The following FAAP20 variants were observed in gnomAD, a reference collection of about 807,000 sequenced individuals.
FAAP20 encodes Fanconi anemia core complex-associated protein 20.
FAAP20 carries 12 observed loss-of-function variants against 16.2 expected under a neutral mutation model. The observed-to-expected ratio is 0.74, with a 90% CI of 0.48 to 1.20. FAAP20 has a LOEUF of 1.20. FAAP20 is among the 50% of genes most tolerant of loss of function. FAAP20 has a pLI of 0.00. For missense variants in FAAP20, 288 were observed against 245.8 expected, an observed-to-expected ratio of 1.17 and a Z score of -1.15; for synonymous variants, 141 against 110.7, an observed-to-expected ratio of 1.27 and a Z score of -1.72.
At chr1:2,211,399 TTATATATATATATATATA>T (rs1158545722), downstream of FAAP20, among the ~76,000 whole-genome samples, 5 of 21,002 alleles carry the variant, frequency 2.4e-4, no homozygotes. Context: ...CTGGCTAATT[TTATATATATATATATATA>T]TATATATATA....
chr1:2,199,342 T>A, upstream of FAAP20: 1 of 1,037,574 alleles, frequency 9.6e-7, no homozygotes, highest in Non-Finnish European at 1.2e-6. This position sits in a 1 kb window ranked among gnomAD's most constrained non-coding sequence, Gnocchi z 4.5. Flanking sequence ...GGGGCGGGCT[T>A]TTATCAGCCC....
At chr1:2,201,041 C>T (rs1689029181), upstream of FAAP20, 6 of 1,288,440 alleles carry the variant, frequency 4.7e-6, no homozygotes, top group African/African-American at 3.0e-5. Flanking sequence ...CTTCCAGGAC[C>T]CAGCTCACCT....
At position 2,193,929 on chromosome 1, in the gene FAAP20, G is replaced by C. The variant is rs752895948; in HGVS notation, c.199-19C>G. The C allele has an allele frequency of 8.1e-6, 13 of 1,612,174 alleles. No individual in the cohort carries two copies. In the Admixed American group the frequency reaches 2.2e-4, roughly 27 times the overall value. Reference sequence around the variant, plus strand: ...TGGGCTCCTGCAACACAGAGTTGTTGGGCCTTGCCCAGCGATGGCTCCCGC... The same window carrying C: ...TGGGCTCCTGCAACACAGAGTTGTTCGGCCTTGCCCAGCGATGGCTCCCGC... On this transcript the variant is annotated intron_variant, in intron 2 of 3. Coordinates refer to ENST00000378546, the MANE Select transcript of FAAP20 (RefSeq NM_182533.4).
chr1:2,210,174 G>A (rs953746897), downstream of FAAP20, among the ~76,000 whole-genome samples: 4 of 152,180 alleles, frequency 2.6e-5, no homozygotes, highest in African/African-American at 9.7e-5. Flanking sequence ...CCAGACCTGC[G>A]AGTGTGCCTG....
upstream of FAAP20, among the ~76,000 whole-genome samples, chr1:2,204,465 GA>G (rs1406296619): frequency 6.6e-6 from 1 of 152,246 alleles, no homozygotes; most frequent in Non-Finnish European, 1.5e-5. Context: ...GGATTGGGAG[GA>G]CCAGGAAAAA....
Position 2,193,847 on chromosome 1 carries a change from T to C in FAAP20, c.262A>G (p.Thr88Ala), listed in dbSNP as rs1173162098. 1.9e-6 allele frequency: 3 copies of C among 1,611,974 alleles called. No individual in the cohort carries two copies. The highest frequency in any genetic ancestry group is 2.7e-5 in the African/African-American group (2 of 74,838). The change falls in exon 3 of 4, where the codon ACA (threonine) becomes GCA (alanine). Residue 88 changes from threonine (T) to alanine (A), a missense_variant. Transcript: ENST00000378546. ...CCCCACAGGTCCGGCGGAAAGGGTG[T>C]CCAGGAAAAGGTCTTGGGTCCGACA... ...FTVGPKTFSWTPFPPDLWGPG... is the reference protein window; with the variant it reads ...FTVGPKTFSWAPFPPDLWGPG...
chr1:2,203,165 G>C (rs1237743082), upstream of FAAP20, among the ~76,000 whole-genome samples: 2 of 152,182 alleles, frequency 1.3e-5, no homozygotes, highest in Admixed American at 1.3e-4. Context: ...GAAGCTATCT[G>C]GCCGCTGGAA....
chr1:2,185,650 C>T (rs1687477877), downstream of FAAP20: 1 of 636,126 alleles, frequency 1.6e-6, no homozygotes, highest in East Asian at 2.7e-5. Flanking sequence ...CTGGGCCAGC[C>T]AGCTCACTGG....
upstream of FAAP20, among the ~76,000 whole-genome samples, chr1:2,204,098 T>G (rs1458649676): frequency 6.6e-6 from 1 of 152,214 alleles, no homozygotes; most frequent in Admixed American, 6.5e-5. Flanking sequence ...CGGGTCCCCA[T>G]GCGCTTCTCA....
At chr1:2,190,019 G>C in intron 3 of FAAP20, 1 of 609,062 alleles carries the variant, frequency 1.6e-6, no homozygotes, top group South Asian at 1.8e-5. Flanking sequence ...CCGAGCTGGG[G>C]GTGGGGAAGC....
At chr1:2,201,132 A>G (rs905235331), upstream of FAAP20, 5 of 1,282,668 alleles carry the variant, frequency 3.9e-6, no homozygotes, top group African/African-American at 3.0e-5. Context: ...TGTGGGCTCC[A>G]ACCCTGCTTG....
At chr1:2,200,726 C>T (rs1239552334), upstream of FAAP20, 7 of 989,640 alleles carry the variant, frequency 7.1e-6, no homozygotes, top group African/African-American at 8.7e-5. Flanking sequence ...AACGCTGAGC[C>T]CAGCTGGGTG....
At chr1:2,205,601 A>G (rs1224259643) in intron 3 of FAAP20, among the ~76,000 whole-genome samples, 1 of 152,008 alleles carries the variant, frequency 6.6e-6, no homozygotes, top group Non-Finnish European at 1.5e-5. Context: ...GGGCGGGTGA[A>G]ACGAGTTTCC....
At chr1:2,184,797 C>A, downstream of FAAP20, 1 of 1,392,376 alleles carries the variant, frequency 7.2e-7, no homozygotes, top group Non-Finnish European at 9.9e-7. Flanking sequence ...CCCTTGAGTC[C>A]CACCCGCCTG....
chr1:2,189,671 C>G lies in FAAP20; in HGVS notation c.*38G>C, dbSNP rs1687941561. 2 of 1,577,178 alleles carry G rather than the reference C, an allele frequency of 1.3e-6. No homozygotes were observed. The highest frequency in any genetic ancestry group is 1.7e-6 in the Non-Finnish European group (2 of 1,151,110). ...GGGCTGCTGGCGGGGGAGAGCGTGTCCGGGCGCCGCACTCTGCGCAGGGCT... is the reference window on the plus strand; with the variant it reads ...GGGCTGCTGGCGGGGGAGAGCGTGTGCGGGCGCCGCACTCTGCGCAGGGCT... On this transcript the variant is annotated 3_prime_UTR_variant, in exon 4 of 4. Transcript: ENST00000378546.
upstream of FAAP20, chr1:2,198,827 C>A (rs572022812): frequency 4.9e-5 from 63 of 1,289,792 alleles, no homozygotes; most frequent in African/African-American, 8.6e-4. Context: ...CTCCACCACA[C>A]CTGCTGGCCC....
At chr1:2,200,520 A>T, upstream of FAAP20, 1 of 620,488 alleles carries the variant, frequency 1.6e-6, no homozygotes, top group Non-Finnish European at 2.0e-6. Flanking sequence ...AGGGGCAGGC[A>T]GCAGCCACCC....
chr1:2,192,973 C>A, intron 3 of FAAP20: 1 of 1,304,042 alleles, frequency 7.7e-7, no homozygotes. Context: ...GCTGTTTTTG[C>A]TTCTGGAAGA....
chr1:2,186,787 A>C (rs1213999255), downstream of FAAP20: 1 of 157,512 alleles, frequency 6.3e-6, no homozygotes, highest in Non-Finnish European at 1.4e-5. Context: ...GTTAACAAGC[A>C]AACTGCTTTC....
Sources: allele counts gnomAD v4.1 joint callset (sites outside exome capture counted in the v4.1 genomes callset), GRCh38; gene constraint gnomAD v4.1.1; non-coding constraint Gnocchi (gnomAD v3.1); transcripts MANE v1.5; gene names NCBI Gene and HGNC (gene_info 2026-07-23, HGNC 2026-07-21).